Variants in LNX1 observed in about 807,000 individuals in gnomAD.
The protein encoded by LNX1 is ligand of numb-protein X 1, also known as E3 ubiquitin-protein ligase LNX.
Under a neutral mutation model 68.4 loss-of-function variants are expected in LNX1, and 54 were observed. The observed-to-expected ratio is 0.79, with a 90% CI of 0.63 to 0.99. LNX1 has a LOEUF of 0.99. Ranked by LOEUF, LNX1 falls within the 50% of genes least tolerant of loss-of-function variation. The probability of loss-of-function intolerance (pLI) is 0.00; values close to 1 mark genes in which losing one functional copy is unlikely to be tolerated. For missense variants in LNX1, 906 were observed against 926.4 expected, an observed-to-expected ratio of 0.98 and a Z score of 0.29; for synonymous variants, 336 against 350.0, an observed-to-expected ratio of 0.96 and a Z score of 0.45.
chr4:53,568,709 AG>A (rs1420426153), intron 2 of LNX1, among the ~76,000 whole-genome samples: 5 of 151,716 alleles, frequency 3.3e-5, no homozygotes, highest in African/African-American at 1.2e-4. Context: ...TTAGGAAAAA[AG>A]GAAGTCAAAT....
intron 2 of LNX1, among the ~76,000 whole-genome samples, chr4:53,572,678 G>A (rs1308389561): frequency 6.6e-6 from 1 of 152,168 alleles, no homozygotes; most frequent in Non-Finnish European, 1.5e-5. Context: ...TGTTCTCAAT[G>A]TCCAAGAACA....
chr4:53,637,128 G>A (rs980250615), intron 1 of LNX1, among the ~76,000 whole-genome samples: 8 of 151,938 alleles, frequency 5.3e-5, no homozygotes, highest in Non-Finnish European at 5.9e-5. Flanking sequence ...AACCCAATTT[G>A]CACTGGCAAA....
At chr4:53,529,828 A>G (rs536541167) in intron 2 of LNX1, among the ~76,000 whole-genome samples, 1 of 152,328 alleles carries the variant, frequency 6.6e-6, no homozygotes, top group East Asian at 1.9e-4. Flanking sequence ...TGACAATCAG[A>G]GCCACAGGAA....
At chr4:53,643,808 A>C (rs1291372871) in intron 1 of LNX1, among the ~76,000 whole-genome samples, 2 of 152,216 alleles carry the variant, frequency 1.3e-5, no homozygotes, top group African/African-American at 4.8e-5. Context: ...CAGAATTATG[A>C]AAATTAAACA....
At chr4:53,645,955 A>C (rs771941209) in intron 1 of LNX1, among the ~76,000 whole-genome samples, 1 of 152,230 alleles carries the variant, frequency 6.6e-6, no homozygotes, top group African/African-American at 2.4e-5. Context: ...TTCTACTCCA[A>C]GTCAGATGAG....
At chr4:53,593,055 T>TA (rs1213170878), upstream of LNX1, 1 of 152,238 alleles carries the variant, frequency 6.6e-6, no homozygotes, top group East Asian at 1.9e-4. Context: ...TTCACCTTTT[T>TA]ATCCAATAGA....
chr4:53,543,114 G>A (rs2109666240), intron 2 of LNX1, among the ~76,000 whole-genome samples: 1 of 152,308 alleles, frequency 6.6e-6, no homozygotes, highest in South Asian at 2.1e-4. Context: ...TCCTGCCTCA[G>A]CCTCCCGAAG....
intron 2 of LNX1, among the ~76,000 whole-genome samples, chr4:53,569,265 C>T (rs1421239439): frequency 2.0e-5 from 3 of 150,184 alleles, no homozygotes; most frequent in South Asian, 2.1e-4. Context: ...TCAAACTATA[C>T]TACAAGGCTA....
chr4:53,563,984 T>G (rs1730460076), intron 2 of LNX1, among the ~76,000 whole-genome samples: 2 of 152,340 alleles, frequency 1.3e-5, no homozygotes, highest in East Asian at 3.9e-4. Context: ...TGTGGAGGCT[T>G]GAGAGCATGT....
At chr4:53,561,523 G>A (rs1730289572) in intron 2 of LNX1, among the ~76,000 whole-genome samples, 1 of 152,134 alleles carries the variant, frequency 6.6e-6, no homozygotes, top group Admixed American at 6.6e-5. Context: ...ACTGTGCCTG[G>A]CCCTCCGTGT....
At chr4:53,638,001 C>T (rs1041462547) in intron 1 of LNX1, among the ~76,000 whole-genome samples, 3 of 152,142 alleles carry the variant, frequency 2.0e-5, no homozygotes, top group Admixed American at 6.5e-5. Context: ...AATGATTTAT[C>T]ACTGATAGAT....
At chr4:53,506,855 C>CA (rs1560633627) in intron 4 of LNX1, among the ~76,000 whole-genome samples, 1 of 12,642 alleles carries the variant, frequency 7.9e-5, no homozygotes, top group South Asian at 1.3e-3. Context: ...AAAACTCTGT[C>CA]TAAAAAAAAA....
intron 2 of LNX1, among the ~76,000 whole-genome samples, chr4:53,569,760 C>T (rs1731002480): frequency 7.0e-6 from 1 of 141,872 alleles, no homozygotes; most frequent in Non-Finnish European, 1.5e-5. Flanking sequence ...TTGCAACCTA[C>T]TCATCTGACA....
chr4:53,521,135 G>A (rs972273656), intron 2 of LNX1, among the ~76,000 whole-genome samples: 3 of 152,176 alleles, frequency 2.0e-5, no homozygotes, highest in Non-Finnish European at 2.9e-5. Flanking sequence ...TCATGGTGGT[G>A]AGGGTTTCTA....
chr4:53,556,587 CTGTT>C (rs1375553141), intron 2 of LNX1, among the ~76,000 whole-genome samples: 6 of 152,196 alleles, frequency 3.9e-5, no homozygotes, highest in African/African-American at 1.2e-4. Flanking sequence ...CTGCCATTGT[CTGTT>C]TGTCTAGAAA....
chr4:53,579,190 T>C (rs1577748220), intron 1 of LNX1: 2 of 807,770 alleles, frequency 2.5e-6, no homozygotes, highest in Non-Finnish European at 3.0e-6. Context: ...AGAGCTGTGA[T>C]ACAGTGTTTT....
At chr4:53,635,857 A>C (rs1734452490) in intron 1 of LNX1, among the ~76,000 whole-genome samples, 1 of 152,328 alleles carries the variant, frequency 6.6e-6, no homozygotes, top group African/African-American at 2.4e-5. Flanking sequence ...CAAATATATG[A>C]GAGTACTTCT....
chr4:53,609,947 G>A (rs1031608576), intron 2 of LNX1, among the ~76,000 whole-genome samples: 4 of 151,208 alleles, frequency 2.6e-5, no homozygotes, highest in African/African-American at 9.7e-5. Flanking sequence ...ACAACCATGT[G>A]AGTTAGACAC....
intron 1 of LNX1, among the ~76,000 whole-genome samples, chr4:53,632,750 G>A (rs935858711): frequency 2.0e-4 from 31 of 152,288 alleles, no homozygotes; most frequent in African/African-American, 7.0e-4. Flanking sequence ...ATTGGGATCT[G>A]TATCCTAGGA....
Sources: gnomAD v4.1 joint callset for allele counts (sites outside exome capture counted in the v4.1 genomes callset) on GRCh38, gnomAD v4.1.1 for gene constraint, MANE v1.5 for transcripts, NCBI Gene and HGNC (gene_info 2026-07-23, HGNC 2026-07-21) for gene names.